Variants in WDR72 observed in about 807,000 individuals in gnomAD.
WDR72 encodes WD repeat-containing protein 72.
Under a neutral mutation model 124.2 loss-of-function variants are expected in WDR72, and 120 were observed. The observed-to-expected ratio is 0.97, with a 90% CI of 0.83 to 1.12. The LOEUF is 1.12. WDR72 is among the 50% of genes most tolerant of loss of function. The probability of loss-of-function intolerance (pLI) is 0.00; values close to 1 mark genes in which losing one functional copy is unlikely to be tolerated. For missense variants in WDR72, 1,387 were observed against 1,278.8 expected, an observed-to-expected ratio of 1.08 and a Z score of -1.29; for synonymous variants, 452 against 441.7, an observed-to-expected ratio of 1.02 and a Z score of -0.29.
chr15:53,662,723 C>A (rs2015647728), intron 14 of WDR72, among the ~76,000 whole-genome samples: 1 of 151,934 alleles, frequency 6.6e-6, no homozygotes, highest in Non-Finnish European at 1.5e-5. Context: ...CTTATAAGCA[C>A]CCATAACATT....
intron 13 of WDR72, among the ~76,000 whole-genome samples, chr15:53,683,100 T>C (rs116353246): frequency 0.027 from 4,110 of 152,210 alleles, 108 homozygotes; most frequent in East Asian, 0.069. Flanking sequence ...CTCACTATCA[T>C]GAGAACAGTA....
chr15:53,738,088 G>A lies in WDR72; in HGVS notation c.-12-4927C>T, dbSNP rs143164827. Among the ~76,000 whole-genome samples, 538 of 151,932 alleles carry A rather than the reference G, an allele frequency of 3.5e-3. 9 individuals carry two copies. The highest frequency in any genetic ancestry group is 0.012 in the African/African-American group (517 of 41,432). On this transcript the variant is annotated intron_variant, in intron 1 of 19. Transcript: ENST00000360509. ...TAAAAAAAATTCTAAATGATCCCTGGGCTACCAAGAAAACATAATATAAAT... is the reference window on the plus strand; with the variant it reads ...TAAAAAAAATTCTAAATGATCCCTGAGCTACCAAGAAAACATAATATAAAT...
intron 13 of WDR72, among the ~76,000 whole-genome samples, chr15:53,687,107 C>G (rs1439125004): frequency 3.3e-5 from 5 of 149,716 alleles, no homozygotes; most frequent in Admixed American, 6.6e-5. Flanking sequence ...CAAGAGAAAG[C>G]AGGAAAGATC....
At chr15:53,751,615 C>T (rs979610247) in intron 1 of WDR72, among the ~76,000 whole-genome samples, 1 of 152,142 alleles carries the variant, frequency 6.6e-6, no homozygotes, top group Non-Finnish European at 1.5e-5. Flanking sequence ...TACAACAGAA[C>T]CCACCATATC....
chr15:53,692,138 C>CCACAGGAATACTTATCAGTA (rs1245121029), intron 13 of WDR72, among the ~76,000 whole-genome samples: 1 of 152,158 alleles, frequency 6.6e-6, no homozygotes, highest in African/African-American at 2.4e-5. Flanking sequence ...AAAACTCTCC[C>CCACAGGAATACTTATCAGTA]CACAGGAATA....
chr15:53,688,601 G>A (rs1349935706), intron 13 of WDR72, among the ~76,000 whole-genome samples: 8 of 152,120 alleles, frequency 5.3e-5, no homozygotes, highest in African/African-American at 1.9e-4. Context: ...ATGCTCATGG[G>A]TAGGAAGAAT....
intron 18 of WDR72, among the ~76,000 whole-genome samples, chr15:53,534,817 G>T (rs1892667616): frequency 6.6e-6 from 1 of 152,028 alleles, no homozygotes; most frequent in Non-Finnish European, 1.5e-5. Context: ...TTAAATAATT[G>T]TTGTTTTGCC....
chr15:53,705,536 C>T (rs1180765078), intron 10 of WDR72, among the ~76,000 whole-genome samples: 2 of 152,254 alleles, frequency 1.3e-5, no homozygotes, highest in East Asian at 3.9e-4. Flanking sequence ...GATCTCGGCT[C>T]ACCGCAACCT....
At chr15:53,709,997 G>T (rs143703361) in intron 9 of WDR72, among the ~76,000 whole-genome samples, 1 of 152,102 alleles carries the variant, frequency 6.6e-6, no homozygotes, top group African/African-American at 2.4e-5. Context: ...AAGTCCAAAG[G>T]CTCAGGGAAA....
intron 13 of WDR72, among the ~76,000 whole-genome samples, chr15:53,698,479 G>C (rs2017072490): frequency 6.6e-6 from 1 of 152,186 alleles, no homozygotes; most frequent in Admixed American, 6.5e-5. Context: ...TGCAGGTACT[G>C]TTTATAAGCA....
chr15:53,706,142 T>C, intron 9 of WDR72, 68 bp from the exon 10 acceptor site: 1 of 1,524,326 alleles, frequency 6.6e-7, no homozygotes, highest in Non-Finnish European at 9.0e-7. Context: ...TGTTTTTAAA[T>C]GGAGAAACAA....
intron 14 of WDR72, among the ~76,000 whole-genome samples, chr15:53,622,744 A>G (rs180990572): frequency 6.6e-6 from 1 of 152,206 alleles, no homozygotes; most frequent in Admixed American, 6.5e-5. Context: ...TTACCTATGT[A>G]ACAAACCTGT....
At chr15:53,588,655 G>T (rs887328798) in intron 18 of WDR72, among the ~76,000 whole-genome samples, 2 of 151,996 alleles carry the variant, frequency 1.3e-5, no homozygotes, top group African/African-American at 4.8e-5. Context: ...TCTAGCAATT[G>T]CCACATACTA....
chr15:53,656,442 T>C (rs2015424041), intron 14 of WDR72, among the ~76,000 whole-genome samples: 1 of 152,190 alleles, frequency 6.6e-6, no homozygotes, highest in South Asian at 2.1e-4. Flanking sequence ...TTTAATAGTA[T>C]GGGGAAATAT....
At chr15:53,557,534 A>C (rs935747905) in intron 18 of WDR72, among the ~76,000 whole-genome samples, 30 of 152,100 alleles carry the variant, frequency 2.0e-4, no homozygotes, top group African/African-American at 6.8e-4. Context: ...GGATGTCGCA[A>C]GAAACAATGC....
intron 1 of WDR72, among the ~76,000 whole-genome samples, chr15:53,752,302 T>C (rs965644800): frequency 6.6e-6 from 1 of 152,202 alleles, no homozygotes; most frequent in African/African-American, 2.4e-5. Flanking sequence ...CCTCCAAGTA[T>C]GACCTTATTT....
At chr15:53,748,561 A>G (rs1231131489) in intron 1 of WDR72, among the ~76,000 whole-genome samples, 4 of 152,102 alleles carry the variant, frequency 2.6e-5, no homozygotes, top group Non-Finnish European at 4.4e-5. Context: ...GTCATAGTCA[A>G]ATCCTTTCCT....
intron 1 of WDR72, 25 bp from the exon 2 acceptor site, chr15:53,733,186 C>A (rs1240137799): frequency 1.2e-6 from 2 of 1,611,928 alleles, no homozygotes; most frequent in Admixed American, 1.7e-5. Flanking sequence ...AGGGAAGAAG[C>A]ATACATGGTC....
At chr15:53,721,584 C>T (rs1179501448) in intron 3 of WDR72, among the ~76,000 whole-genome samples, 1 of 152,200 alleles carries the variant, frequency 6.6e-6, no homozygotes, top group Non-Finnish European at 1.5e-5. Context: ...TAATGATTTA[C>T]TATAAGCTAT....
Sources: allele counts gnomAD v4.1 joint callset (sites outside exome capture counted in the v4.1 genomes callset), GRCh38; gene constraint gnomAD v4.1.1; transcripts MANE v1.5; gene names NCBI Gene and HGNC (gene_info 2026-07-23, HGNC 2026-07-21).